ZFYVE9: variants seen among roughly 807,000 people sequenced by gnomAD.
The protein encoded by ZFYVE9 is zinc finger FYVE domain-containing protein 9.
ZFYVE9 carries 43 observed loss-of-function variants against 126.7 expected under a neutral mutation model. The observed-to-expected ratio is 0.34, with a 90% CI of 0.27 to 0.44. The LOEUF is 0.44. Ranked by LOEUF, ZFYVE9 falls within the 20% of genes least tolerant of loss-of-function variation. The pLI is 1.00. For missense variants in ZFYVE9, 1,476 were observed against 1,697.0 expected (o/e 0.87, Z 2.29); for synonymous variants, 521 against 597.4 (o/e 0.87, Z 1.87).
At chr1:52,323,640 A>C (rs1017868468) in intron 13 of ZFYVE9, among the ~76,000 whole-genome samples, 1 of 152,214 alleles carries the variant, frequency 6.6e-6, no homozygotes, top group Non-Finnish European at 1.5e-5. Context: ...AGGGCCAGGC[A>C]CTTTGCCTCA....
chr1:52,145,957 A>G (rs1644303001), intron 1 of ZFYVE9, among the ~76,000 whole-genome samples: 1 of 151,994 alleles, frequency 6.6e-6, no homozygotes, highest in Non-Finnish European at 1.5e-5. Flanking sequence ...CCTGCATTAT[A>G]TAGAGCAACA....
intron 5 of ZFYVE9, among the ~76,000 whole-genome samples, chr1:52,265,123 CT>C (rs2147799038): frequency 1.3e-5 from 2 of 152,172 alleles, no homozygotes; most frequent in Admixed American, 6.5e-5. Flanking sequence ...GGAATACTTA[CT>C]TTTTATTAAG....
chr1:52,200,249 G>A (rs2124567525), intron 1 of ZFYVE9, among the ~76,000 whole-genome samples: 1 of 152,182 alleles, frequency 6.6e-6, no homozygotes, highest in Non-Finnish European at 1.5e-5. Flanking sequence ...TGCAATCACA[G>A]CTCACTGCAG....
Position 52,239,188 on chromosome 1 carries a change from A to T in ZFYVE9, c.1771A>T (p.Ile591Phe), listed in dbSNP as rs1285626700. The T allele has an allele frequency of 6.2e-7, 1 of 1,614,108 alleles. No homozygotes were observed. The highest frequency in any genetic ancestry group is 8.5e-7 in the Non-Finnish European group (1 of 1,180,000). The change falls in exon 4 of 19, where the codon ATT becomes TTT. Residue 591 changes from isoleucine to phenylalanine, a missense_variant. Physicochemically the swap from Ile to Phe is conservative, Grantham distance 21 (BLOSUM62 0). Coordinates refer to ENST00000287727, the MANE Select transcript of ZFYVE9 (RefSeq NM_004799.4). ...PKQPSNLKLQ[I>F]PKPLSDHLQN... is the part of the protein sequence containing the mutation. ...GCAACCTTCTAATCTTAAACTTCAAATTCCAAAGCCATTATCAGACCATTT... is the reference window on the plus strand; with the variant it reads ...GCAACCTTCTAATCTTAAACTTCAATTTCCAAAGCCATTATCAGACCATTT...
intron 4 of ZFYVE9, among the ~76,000 whole-genome samples, chr1:52,248,192 A>G (rs1195389361): frequency 6.6e-6 from 1 of 152,144 alleles, no homozygotes; most frequent in Non-Finnish European, 1.5e-5. Flanking sequence ...AGGAAAACCA[A>G]CAGTGCAGCC....
At chr1:52,260,195 T>C (rs1403586796) in intron 4 of ZFYVE9, among the ~76,000 whole-genome samples, 1 of 151,992 alleles carries the variant, frequency 6.6e-6, no homozygotes, top group Admixed American at 6.5e-5. Context: ...TTAGATATTA[T>C]CAGTGTTTAA....
chr1:52,334,584 G>A, intron 14 of ZFYVE9, 104 bp from the exon 15 acceptor site: 17 of 1,186,262 alleles, frequency 1.4e-5, no homozygotes, highest in Admixed American at 2.1e-5. Context: ...AAAATTTTCT[G>A]TGTGATGATG....
At chr1:52,292,724 C>T (rs1645934781) in intron 10 of ZFYVE9, among the ~76,000 whole-genome samples, 1 of 152,008 alleles carries the variant, frequency 6.6e-6, no homozygotes, top group Non-Finnish European at 1.5e-5. Flanking sequence ...CCACCTCGGC[C>T]TCCCAAAGTG....
chr1:52,307,969 G>T (rs949806358), intron 13 of ZFYVE9, among the ~76,000 whole-genome samples: 1 of 151,536 alleles, frequency 6.6e-6, no homozygotes, highest in Non-Finnish European at 1.5e-5. Context: ...AGCCAGGATG[G>T]TCTCGATCTC....
At chr1:52,220,816 GA>G (rs1645117557) in intron 2 of ZFYVE9, among the ~76,000 whole-genome samples, 1 of 152,138 alleles carries the variant, frequency 6.6e-6, no homozygotes, top group South Asian at 2.1e-4. Flanking sequence ...ATCGCAGCTG[GA>G]GGGGGAAACA....
intron 1 of ZFYVE9, among the ~76,000 whole-genome samples, chr1:52,190,590 ATAG>A (rs1369650090): frequency 1.3e-5 from 2 of 152,214 alleles, no homozygotes; most frequent in African/African-American, 2.4e-5. Context: ...AGTTTCATCA[ATAG>A]TAGATTGTCA....
chr1:52,346,487 C>G lies in ZFYVE9; in HGVS notation c.*266C>G, dbSNP rs1445965574. 2 of 418,358 alleles carry G rather than the reference C, an allele frequency of 4.8e-6. No homozygotes were observed. The highest frequency in any genetic ancestry group is 8.4e-6 in the Non-Finnish European group (2 of 237,116). The allele number at this position is 418,358 out of a possible 1,614,324, so 25.9% of individuals were successfully genotyped here. A position where few individuals can be genotyped will look rare whatever the true frequency, so the allele number is the denominator to read the frequency against. On this transcript the variant is annotated 3_prime_UTR_variant, in exon 19 of 19. Transcript: ENST00000287727. ...CACAACAGTTATGCTATCCTTGCAG[C>G]TAATCCCCTTCTGTTACTGTTTAGA...
chr1:52,251,872 A>T (rs1222334192), intron 4 of ZFYVE9, among the ~76,000 whole-genome samples: 2 of 152,002 alleles, frequency 1.3e-5, no homozygotes, highest in Non-Finnish European at 2.9e-5. Flanking sequence ...CCCACTAGTT[A>T]TAGGTTTATT....
intron 13 of ZFYVE9, among the ~76,000 whole-genome samples, chr1:52,324,993 A>G (rs1646277110): frequency 6.6e-6 from 1 of 151,996 alleles, no homozygotes; most frequent in Admixed American, 6.6e-5. Flanking sequence ...AAAATAAAAG[A>G]ATTAGGCTGG....
At chr1:52,200,089 A>G (rs1195932422) in intron 1 of ZFYVE9, among the ~76,000 whole-genome samples, 3 of 151,642 alleles carry the variant, frequency 2.0e-5, no homozygotes, top group Admixed American at 2.0e-4. Flanking sequence ...GACCTTTATC[A>G]GATAAATCTT....
intron 1 of ZFYVE9, among the ~76,000 whole-genome samples, chr1:52,203,024 G>A (rs1344091302): frequency 2.0e-5 from 3 of 152,036 alleles, no homozygotes; most frequent in East Asian, 3.8e-4. Context: ...ACTTTTGAAG[G>A]ACAATTTTAT....
At chr1:52,245,211 G>C (rs910977882) in intron 4 of ZFYVE9, among the ~76,000 whole-genome samples, 1 of 151,310 alleles carries the variant, frequency 6.6e-6, no homozygotes, top group Admixed American at 6.6e-5. Context: ...CATTCAGTGA[G>C]CATTTACTTA....
intron 13 of ZFYVE9, among the ~76,000 whole-genome samples, chr1:52,326,885 C>T (rs982657188): frequency 7.3e-5 from 11 of 150,780 alleles, no homozygotes; most frequent in South Asian, 2.1e-4. Context: ...CAAACAAGGC[C>T]GGGCACAGTG....
intron 4 of ZFYVE9, among the ~76,000 whole-genome samples, chr1:52,260,268 CAT>C (rs148714329): frequency 0.035 from 5,256 of 151,976 alleles, 329 homozygotes; most frequent in African/African-American, 0.12. Flanking sequence ...TTTATTTTGT[CAT>C]GTGTGGTATT....
Sources: gnomAD v4.1 joint callset for allele counts (sites outside exome capture counted in the v4.1 genomes callset) on GRCh38, gnomAD v4.1.1 for gene constraint, MANE v1.5 for transcripts, NCBI Gene and HGNC (gene_info 2026-07-23, HGNC 2026-07-21) for gene names.